The following FHIT variants were observed in gnomAD, a reference collection of about 807,000 sequenced individuals.
FHIT encodes the protein fragile histidine triad diadenosine triphosphatase, also known as bis(5'-adenosyl)-triphosphatase.
A neutral mutation model predicts 17.9 loss-of-function variants in FHIT; 19 were observed. That is an observed-to-expected ratio of 1.06 (90% CI 0.74 to 1.56). The LOEUF is 1.56. FHIT is among the 40% of genes most tolerant of loss of function. The pLI is 0.00. For missense variants in FHIT, 248 were observed against 189.2 expected (o/e 1.31, Z -1.82); for synonymous variants, 81 against 69.7 (o/e 1.16, Z -0.81).
intron 5 of FHIT, among the ~76,000 whole-genome samples, chr3:60,416,080 A>G (rs1702239710): frequency 6.6e-6 from 1 of 151,702 alleles, no homozygotes; most frequent in Admixed American, 6.6e-5. Flanking sequence ...TGCAGTTAAT[A>G]AAATAGTGGA....
chr3:60,118,772 GGC>G (rs1559648591), intron 5 of FHIT, among the ~76,000 whole-genome samples: 2 of 107,168 alleles, frequency 1.9e-5, no homozygotes, highest in African/African-American at 6.5e-5. Flanking sequence ...AGGTGGGGGC[GGC>G]GGGGGGGGGG....
chr3:60,872,517 C>T (rs1307052393), intron 3 of FHIT, among the ~76,000 whole-genome samples: 2 of 152,066 alleles, frequency 1.3e-5, no homozygotes, highest in Non-Finnish European at 2.9e-5. Context: ...TCTCAAGGAG[C>T]AAAAATACAT....
At chr3:61,097,508 G>A in intron 2 of FHIT, among the ~76,000 whole-genome samples, 1 of 152,064 alleles carries the variant, frequency 6.6e-6, no homozygotes, top group East Asian at 1.9e-4. Flanking sequence ...CTGCTTTTAG[G>A]TCTTTAAGGA....
At chr3:60,896,176 C>T (rs1248556616) in intron 3 of FHIT, among the ~76,000 whole-genome samples, 3 of 152,058 alleles carry the variant, frequency 2.0e-5, no homozygotes, top group African/African-American at 7.2e-5. Flanking sequence ...ATCCCCGCTC[C>T]CCTGCCACCG....
At chr3:59,963,142 T>C (rs1318560062) in intron 7 of FHIT, among the ~76,000 whole-genome samples, 1 of 152,046 alleles carries the variant, frequency 6.6e-6, no homozygotes, top group African/African-American at 2.4e-5. Context: ...GGCAGGCACC[T>C]GTAGTCCCCA....
At chr3:60,816,558 A>G (rs2106742601) in intron 4 of FHIT, among the ~76,000 whole-genome samples, 1 of 152,026 alleles carries the variant, frequency 6.6e-6, no homozygotes, top group East Asian at 1.9e-4. Flanking sequence ...CTCATGTTGG[A>G]CCAAATTTGC....
intron 7 of FHIT, among the ~76,000 whole-genome samples, chr3:59,994,685 G>A (rs887205818): frequency 2.6e-5 from 4 of 151,958 alleles, no homozygotes; most frequent in South Asian, 2.1e-4. Flanking sequence ...GTAAAATGAC[G>A]GCCCCAAGTG....
chr3:60,628,974 T>A (rs4679555), intron 4 of FHIT, among the ~76,000 whole-genome samples: 15 of 151,756 alleles, frequency 9.9e-5, no homozygotes, highest in Admixed American at 1.3e-4. Flanking sequence ...CAGCATAGAA[T>A]CTGCCTATGA....
chr3:60,644,169 T>C (rs1177326099), intron 4 of FHIT, among the ~76,000 whole-genome samples: 1 of 152,224 alleles, frequency 6.6e-6, no homozygotes, highest in African/African-American at 2.4e-5. Flanking sequence ...AGGAAAGATG[T>C]TCTAGAATAG....
At chr3:60,555,008 C>T (rs2036696004) in intron 4 of FHIT, among the ~76,000 whole-genome samples, 1 of 152,184 alleles carries the variant, frequency 6.6e-6, no homozygotes. Context: ...GTGTTATTCA[C>T]AAGATAACTA....
At chr3:60,561,675 A>C (rs569780350) in intron 4 of FHIT, among the ~76,000 whole-genome samples, 1 of 152,134 alleles carries the variant, frequency 6.6e-6, no homozygotes, top group South Asian at 2.1e-4. Flanking sequence ...TCAAATAGAA[A>C]TGGGAGCCAG....
chr3:60,337,218 G>C (rs1710288603), intron 5 of FHIT, among the ~76,000 whole-genome samples: 1 of 151,926 alleles, frequency 6.6e-6, no homozygotes, highest in Admixed American at 6.6e-5. Context: ...CGAAAGGTAG[G>C]AAAAATCGCA....
intron 4 of FHIT, among the ~76,000 whole-genome samples, chr3:60,752,866 A>T (rs1286922688): frequency 6.6e-6 from 1 of 152,204 alleles, no homozygotes; most frequent in Non-Finnish European, 1.5e-5. Context: ...ATTCTGAAAA[A>T]AATACAAACT....
At position 60,690,711 on chromosome 3, in the gene FHIT, G is replaced by T. The variant is rs2040967414; in HGVS notation, c.-18+131208C>A. On this transcript the variant is annotated intron_variant, in intron 4 of 9. Coordinates refer to ENST00000492590, the MANE Select transcript of FHIT (RefSeq NM_002012.4). ...CAGCAATGTCGAAGAAAACAGTGGG[G>T]TTGACCATAGCTGGTAATACGGGGC... is the stretch of plus-strand genomic sequence containing the variant. 2.3e-5 allele frequency: 10 copies of T among 440,992 alleles called. No homozygotes were observed. In the Admixed American group the frequency reaches 2.6e-4, roughly 12 times the overall value. The allele number at this position is 440,992 out of a possible 1,614,324, so 27.3% of individuals were successfully genotyped here. A position where few individuals can be genotyped will look rare whatever the true frequency, so the allele number is the denominator to read the frequency against.
At chr3:59,828,843 C>CTGTG (rs10637442) in intron 8 of FHIT, among the ~76,000 whole-genome samples, 49,230 of 146,414 alleles carry the variant, frequency 0.34, 8,524 homozygotes, top group South Asian at 0.44. Flanking sequence ...CAATGGTACT[C>CTGTG]TCTCTGTGTG....
chr3:59,840,404 A>G (rs1037669041), intron 8 of FHIT, among the ~76,000 whole-genome samples: 10 of 151,336 alleles, frequency 6.6e-5, no homozygotes, highest in African/African-American at 2.4e-4. Flanking sequence ...AAAAAAAAAA[A>G]AAAAAGAAAG....
chr3:61,036,922 G>GT (rs1360637156), intron 3 of FHIT, among the ~76,000 whole-genome samples: 6 of 96,334 alleles, frequency 6.2e-5, no homozygotes, highest in Admixed American at 1.1e-4. Flanking sequence ...TTGTTTGTTT[G>GT]TTTTTTTGAG....
chr3:60,117,496 A>G (rs1705024209), intron 5 of FHIT, among the ~76,000 whole-genome samples: 1 of 43,628 alleles, frequency 2.3e-5, no homozygotes, highest in Admixed American at 3.3e-4. Flanking sequence ...TTCCTATCTA[A>G]AAAAAAAAAA....
chr3:59,991,471 A>G (rs531954272), intron 7 of FHIT, among the ~76,000 whole-genome samples: 1 of 152,120 alleles, frequency 6.6e-6, no homozygotes, highest in East Asian at 1.9e-4. Flanking sequence ...CTTGTATTCA[A>G]CTTGTATTTA....
Sources: gnomAD v4.1 joint callset for allele counts (sites outside exome capture counted in the v4.1 genomes callset) on GRCh38, gnomAD v4.1.1 for gene constraint, MANE v1.5 for transcripts, NCBI Gene and HGNC (gene_info 2026-07-23, HGNC 2026-07-21) for gene names.